Variants in FAM81A observed in about 807,000 individuals in gnomAD.
The protein encoded by FAM81A is family with sequence similarity 81 member A.
FAM81A carries 19 observed loss-of-function variants against 46.7 expected under a neutral mutation model. The observed-to-expected ratio is 0.41, with a 90% CI of 0.28 to 0.60. The LOEUF is 0.60. FAM81A is among the 20% of genes least tolerant of loss of function. FAM81A has a pLI of 0.34. For missense variants in FAM81A, 377 were observed against 453.5 expected, an observed-to-expected ratio of 0.83 and a Z score of 1.53; for synonymous variants, 183 against 152.9, an observed-to-expected ratio of 1.20 and a Z score of -1.45.
At chr15:59,425,483 C>A (rs1322171485) in intron 2 of FAM81A, among the ~76,000 whole-genome samples, 4 of 152,132 alleles carry the variant, frequency 2.6e-5, no homozygotes, top group Non-Finnish European at 5.9e-5. Context: ...TTAAAAATTG[C>A]TAAAATAGTT....
intron 2 of FAM81A, among the ~76,000 whole-genome samples, chr15:59,412,824 A>G (rs1486096547): frequency 3.9e-5 from 6 of 152,018 alleles, no homozygotes; most frequent in African/African-American, 1.4e-4. Context: ...TCGGGGTAGG[A>G]AGGCAGAGTG....
At chr15:59,466,845 A>C (rs2081619959) in intron 3 of FAM81A, among the ~76,000 whole-genome samples, 1 of 152,196 alleles carries the variant, frequency 6.6e-6, no homozygotes, top group Non-Finnish European at 1.5e-5. Context: ...TTTAGGTCTA[A>C]CATTTAAGTC....
At position 59,506,576 on chromosome 15, in the gene FAM81A, C is replaced by A. The variant is rs114761076; in HGVS notation, c.414-637C>A. Reference sequence around the variant, plus strand: ...AGAGGAATATTGTCTCAGAACAGAGCATTAGTTAGCTCTAAACTCTTATGG... The same window carrying A: ...AGAGGAATATTGTCTCAGAACAGAGAATTAGTTAGCTCTAAACTCTTATGG... On this transcript the variant is annotated intron_variant, in intron 4 of 8. Coordinates refer to ENST00000288228, the MANE Select transcript of FAM81A (RefSeq NM_152450.3). Among the ~76,000 whole-genome samples, 1,197 of 152,282 alleles carry A rather than the reference C, an allele frequency of 7.9e-3. 15 individuals carry two copies. Among genetic ancestry groups the A allele is most frequent in the African/African-American group, 0.027 (1,110 of 41,548 alleles).
chr15:59,430,917 A>C (rs1214848112), intron 2 of FAM81A, among the ~76,000 whole-genome samples: 6 of 152,240 alleles, frequency 3.9e-5, no homozygotes, highest in Admixed American at 3.3e-4. Flanking sequence ...AGGACATAAT[A>C]GTTGAACCAA....
intron 3 of FAM81A, among the ~76,000 whole-genome samples, chr15:59,491,758 A>G (rs2081983988): frequency 6.6e-6 from 1 of 152,188 alleles, no homozygotes; most frequent in South Asian, 2.1e-4. Flanking sequence ...CAGCCTGGCC[A>G]ACATGGCGAA....
upstream of FAM81A, among the ~76,000 whole-genome samples, chr15:59,435,857 G>C (rs961535045): frequency 6.6e-6 from 1 of 152,132 alleles, no homozygotes; most frequent in African/African-American, 2.4e-5. Flanking sequence ...TACAATCAAA[G>C]TGATTCTGGA....
At chr15:59,406,077 A>G (rs1400614089) in intron 2 of FAM81A, among the ~76,000 whole-genome samples, 3 of 152,284 alleles carry the variant, frequency 2.0e-5, no homozygotes, top group Non-Finnish European at 4.4e-5. Context: ...GAAGACTGGA[A>G]ATGTGAAACC....
At chr15:59,439,721 T>C (rs2081277038) in intron 1 of FAM81A, among the ~76,000 whole-genome samples, 1 of 152,176 alleles carries the variant, frequency 6.6e-6, no homozygotes, top group Non-Finnish European at 1.5e-5. Context: ...ATGTGTTACA[T>C]GTTAGAAATC....
chr15:59,457,949 A>G (rs1267985056), intron 1 of FAM81A, among the ~76,000 whole-genome samples: 1 of 152,238 alleles, frequency 6.6e-6, no homozygotes, highest in African/African-American at 2.4e-5. Context: ...TGTTCCTTAT[A>G]TGCAAGATGA....
At position 59,460,235 on chromosome 15, in the gene FAM81A, TG is replaced by T; in HGVS notation, c.294+30del. On this transcript the variant is annotated intron_variant, in intron 3 of 8. Transcript: ENST00000288228. This position sits in a 1 kb window ranked among gnomAD's most constrained non-coding sequence, Gnocchi z 4.4. ...AGGTTTGTGAAAGTCAGGTGGCCTA[TG>T]TCCCTTTCCACAGAATTGCTCCATG... is the stretch of plus-strand genomic sequence containing the variant. 5 of 1,613,920 alleles carry T rather than the reference TG, an allele frequency of 3.1e-6. No individual in the cohort carries two copies. The highest frequency in any genetic ancestry group is 2.5e-6 in the Non-Finnish European group (3 of 1,179,890).
At chr15:59,467,617 A>G (rs1043626442) in intron 3 of FAM81A, among the ~76,000 whole-genome samples, 3 of 152,182 alleles carry the variant, frequency 2.0e-5, no homozygotes, top group Non-Finnish European at 2.9e-5. Flanking sequence ...GGCTGAGATG[A>G]TGGGGTTTTC....
intron 1 of FAM81A, among the ~76,000 whole-genome samples, chr15:59,448,916 C>G (rs1434936136): frequency 3.3e-5 from 5 of 152,154 alleles, no homozygotes; most frequent in Admixed American, 1.3e-4. Flanking sequence ...CATCCTACTT[C>G]AGCCTCTAAA....
intron 1 of FAM81A, among the ~76,000 whole-genome samples, chr15:59,451,825 C>G (rs1253023217): frequency 6.6e-6 from 1 of 152,178 alleles, no homozygotes; most frequent in African/African-American, 2.4e-5. Context: ...TTTCTGGTTG[C>G]ACATTCATTC....
At chr15:59,510,409 T>A (rs4461009) in intron 6 of FAM81A, among the ~76,000 whole-genome samples, 28,028 of 146,784 alleles carry the variant, frequency 0.19, 3,298 homozygotes, top group African/African-American at 0.34. Context: ...TCCAGTAGAA[T>A]AAGTAAAAAG....
upstream of FAM81A, among the ~76,000 whole-genome samples, chr15:59,435,937 C>G (rs549589855): frequency 6.3e-3 from 953 of 152,218 alleles, 4 homozygotes; most frequent in Non-Finnish European, 0.011. Flanking sequence ...CTAGTGTAGG[C>G]TTAATCATTG....
intron 3 of FAM81A, among the ~76,000 whole-genome samples, chr15:59,480,603 G>C (rs2081838113): frequency 6.6e-6 from 1 of 152,058 alleles, no homozygotes; most frequent in African/African-American, 2.4e-5. Flanking sequence ...TGTGCACCTG[G>C]ACAATGCACT....
At chr15:59,473,917 T>C (rs949534008) in intron 3 of FAM81A, among the ~76,000 whole-genome samples, 1 of 152,168 alleles carries the variant, frequency 6.6e-6, no homozygotes, top group Non-Finnish European at 1.5e-5. Flanking sequence ...GCCCAAGCAG[T>C]CCTCTCACCT....
Position 59,419,982 on chromosome 15 carries a change from C to A in FAM81A, c.-78+17624C>A, listed in dbSNP as rs949155552. The stretch of plus-strand genomic sequence containing the variant: ...ATGTATTTTGGGTCTTGCCACCCAG[C>A]CCCTTTCCCCTTCACACTCCCTAGC... On this transcript the variant is annotated intron_variant, in intron 2 of 4. Coordinates refer to the FAM81A transcript ENST00000558348. Among the ~76,000 whole-genome samples, 7 of 152,196 alleles carry A rather than the reference C, an allele frequency of 4.6e-5. No individual in the cohort carries two copies. In the East Asian group the frequency reaches 7.7e-4, roughly 17 times the overall value.
At chr15:59,481,677 T>G (rs905915887) in intron 3 of FAM81A, among the ~76,000 whole-genome samples, 1 of 152,086 alleles carries the variant, frequency 6.6e-6, no homozygotes. Flanking sequence ...TGTATCACAC[T>G]CTGAAGACAT....
Sources: allele counts gnomAD v4.1 joint callset (sites outside exome capture counted in the v4.1 genomes callset), GRCh38; gene constraint gnomAD v4.1.1; non-coding constraint Gnocchi (gnomAD v3.1); transcripts MANE v1.5; gene names NCBI Gene and HGNC (gene_info 2026-07-23, HGNC 2026-07-21).